Variants in C12orf60 observed in about 807,000 individuals in gnomAD.
C12orf60 encodes the protein uncharacterized protein C12orf60.
For synonymous variants in C12orf60, 102 were observed against 94.6 expected (o/e 1.08, Z -0.45); for missense variants, 284 against 283.2 (o/e 1.00, Z -0.02).
At chr12:14,817,227 A>G (rs1259904861) in intron 1 of C12orf60, among the ~76,000 whole-genome samples, 7 of 152,056 alleles carry the variant, frequency 4.6e-5, no homozygotes, top group African/African-American at 9.7e-5. Flanking sequence ...TAATTTATGT[A>G]TGTGTATGGT....
At chr12:14,805,738 A>G (rs774419774) in intron 1 of C12orf60, 6 of 419,680 alleles carry the variant, frequency 1.4e-5, no homozygotes, top group South Asian at 9.1e-5. Flanking sequence ...ATTTACCCCA[A>G]TGTTGATCTG....
At chr12:14,819,875 A>G (rs1183757270) in intron 1 of C12orf60, among the ~76,000 whole-genome samples, 2 of 152,020 alleles carry the variant, frequency 1.3e-5, no homozygotes, top group African/African-American at 2.4e-5. Context: ...TTTTTCTGCA[A>G]TGGTAGCCTT....
At chr12:14,820,904 A>T (rs551714320) in intron 1 of C12orf60, among the ~76,000 whole-genome samples, 1 of 152,186 alleles carries the variant, frequency 6.6e-6, no homozygotes, top group South Asian at 2.1e-4. Context: ...CGTCAGATTT[A>T]TCTATAAATA....
At chr12:14,807,513 A>G (rs938259049) in intron 1 of C12orf60, among the ~76,000 whole-genome samples, 2 of 152,206 alleles carry the variant, frequency 1.3e-5, no homozygotes, top group Non-Finnish European at 1.5e-5. Flanking sequence ...TTGTATTTCA[A>G]TACTTGGTTA....
At chr12:14,821,557 A>G (rs1950305441) in intron 1 of C12orf60, among the ~76,000 whole-genome samples, 1 of 152,218 alleles carries the variant, frequency 6.6e-6, no homozygotes, top group African/African-American at 2.4e-5. Context: ...ACTTAGAATT[A>G]ATATTTTATC....
At chr12:14,805,989 A>G (rs775312369) in intron 1 of C12orf60, 4 of 1,583,496 alleles carry the variant, frequency 2.5e-6, no homozygotes, top group African/African-American at 1.4e-5. Context: ...TTCAGTGGCA[A>G]ATAAAACGGC....
chr12:14,822,075 GTGTT>G (rs1950314625), intron 1 of C12orf60, among the ~76,000 whole-genome samples: 1 of 136,046 alleles, frequency 7.4e-6, no homozygotes, highest in Admixed American at 7.8e-5. Flanking sequence ...GAAGTCAAAA[GTGTT>G]TGGAGCTGCC....
intron 1 of C12orf60, among the ~76,000 whole-genome samples, chr12:14,809,683 T>C (rs1054460380): frequency 2.0e-5 from 3 of 152,048 alleles, no homozygotes; most frequent in Non-Finnish European, 4.4e-5. Flanking sequence ...CAAATATCGG[T>C]ATGGAGTGGG....
rs892745271 is a variant in C12orf60 at position 14,806,273 on chromosome 12, CA to C, written c.-25+2523del. On this transcript the variant is annotated intron_variant, in intron 1 of 1. Transcript: ENST00000330828. Reference sequence around the variant, plus strand: ...TTATGCCAGTTGTGACATTTGAGCCCACAAGTTTAACAGCGACTGCACTGGC... The same window carrying C: ...TTATGCCAGTTGTGACATTTGAGCCCCAAGTTTAACAGCGACTGCACTGGC... 1.9e-6 allele frequency: 3 copies of C among 1,614,086 alleles called. No homozygotes were observed. In the African/African-American group the frequency reaches 4.0e-5, roughly 22 times the overall value.
chr12:14,813,432 T>A (rs1950170451), intron 1 of C12orf60, among the ~76,000 whole-genome samples: 1 of 152,214 alleles, frequency 6.6e-6, no homozygotes, highest in African/African-American at 2.4e-5. Context: ...CTGTGGCCTT[T>A]AATTAAAACA....
In C12orf60 at chr12:14,824,173, G is replaced by T. The variant is rs1377173153; in HGVS notation, c.*500G>T. The T allele has an allele frequency of 1.3e-5, 2 of 152,426 alleles. No individual in the cohort carries two copies. The highest frequency in any genetic ancestry group is 4.8e-5 in the African/African-American group (2 of 41,446). 9.4% of individuals were successfully genotyped at this position (152,426 alleles called of 1,614,324 possible). A position where few individuals can be genotyped will look rare whatever the true frequency, so the allele number is the denominator to read the frequency against. ...TAAATATTTTAAATATGATTCATAA[G>T]TAAGTGAGAACAGTGAATGAGCAAT... On this transcript the variant is annotated 3_prime_UTR_variant, in exon 2 of 2. Transcript: ENST00000330828.
Position 14,823,289 on chromosome 12 carries a change from C to T in C12orf60, c.354C>T (p.Ala118=), listed in dbSNP as rs557160941. Reference sequence around the variant, plus strand: ...CAGCTAAAGAAGTATTCAAAAGTGCCCATACGCCAGTCATCATCTCTGTGC... The same window carrying T: ...CAGCTAAAGAAGTATTCAAAAGTGCTCATACGCCAGTCATCATCTCTGTGC... The part of the protein sequence containing the change: ...HQSAKEVFKS[A]HTPVIISVLN... Residue 118 remains alanine (A), a synonymous_variant, in exon 2 of 2, where the codon GCC becomes GCT. Transcript: ENST00000330828. The T allele has an allele frequency of 3.1e-6, 5 of 1,614,028 alleles. No homozygotes were observed. The East Asian group carries it at 8.9e-5, about 29-fold the overall frequency.
At chr12:14,822,804 T>C in intron 1 of C12orf60, 108 bp from the exon 2 acceptor site, 2 of 906,316 alleles carry the variant, frequency 2.2e-6, no homozygotes, top group Non-Finnish European at 3.3e-6. Context: ...ATAGCTTTCC[T>C]GCCCTTGGCA....
intron 1 of C12orf60, among the ~76,000 whole-genome samples, chr12:14,821,753 T>C (rs1339028032): frequency 6.6e-6 from 1 of 151,720 alleles, no homozygotes; most frequent in Non-Finnish European, 1.5e-5. Flanking sequence ...GGGTCCCCTT[T>C]CCTGGTGTTC....
At chr12:14,815,563 T>C (rs1218283941) in intron 1 of C12orf60, among the ~76,000 whole-genome samples, 1 of 152,240 alleles carries the variant, frequency 6.6e-6, no homozygotes, top group Non-Finnish European at 1.5e-5. Context: ...TAGGAAATTG[T>C]ATTTCATTCT....
At chr12:14,821,302 A>G (rs1034196094) in intron 1 of C12orf60, among the ~76,000 whole-genome samples, 18 of 152,180 alleles carry the variant, frequency 1.2e-4, no homozygotes, top group African/African-American at 3.1e-4. Context: ...GTGATTTTAA[A>G]CAACAGAAAT....
chr12:14,807,433 T>C (rs567651398), intron 1 of C12orf60, among the ~76,000 whole-genome samples: 38 of 152,346 alleles, frequency 2.5e-4, no homozygotes, highest in Admixed American at 7.8e-4. Context: ...CTGATTTCTC[T>C]AGCATTTGGA....
chr12:14,823,383 A>T lies in C12orf60; in HGVS notation c.448A>T (p.Asn150Tyr). 6.2e-7 allele frequency: 1 copy of T among 1,614,122 alleles called. No homozygotes were observed. Among genetic ancestry groups the T allele is most frequent in the Non-Finnish European group, 8.5e-7 (1 of 1,180,018 alleles). ...ACACTTGATGAAATTCCCCATCATG[A>T]ATCTTCAATTAAGTGACTTCTATAC... is the stretch of plus-strand genomic sequence containing the variant. ...LSHLMKFPIM[N>Y]LQLSDFYTED... The change falls in exon 2 of 2, where the codon AAT becomes TAT. Residue 150 changes from asparagine (N) to tyrosine (Y), a missense_variant. Physicochemically the swap from Asn to Tyr is moderately radical, Grantham distance 143 (BLOSUM62 -2). Coordinates refer to ENST00000330828, the MANE Select transcript of C12orf60 (RefSeq NM_175874.4).
chr12:14,805,156 C>A (rs185393906), intron 1 of C12orf60: 45 of 152,278 alleles, frequency 3.0e-4, no homozygotes, highest in Non-Finnish European at 5.0e-4. Flanking sequence ...ATTCTTTTTT[C>A]TGAAAGCTTA....
Sources: gnomAD v4.1 joint callset for allele counts (sites outside exome capture counted in the v4.1 genomes callset) on GRCh38, gnomAD v4.1.1 for gene constraint, MANE v1.5 for transcripts, NCBI Gene and HGNC (gene_info 2026-07-23, HGNC 2026-07-21) for gene names.